Variants in GREB1L observed in about 807,000 individuals in gnomAD.
GREB1L encodes GREB1-like protein.
In GREB1L, 17 loss-of-function variants were observed where a neutral mutation model predicts 200.8. The observed-to-expected ratio is 0.08, with a 90% CI of 0.06 to 0.13. The LOEUF (loss-of-function observed/expected upper bound fraction) is 0.13. GREB1L is among the 10% of genes least tolerant of loss of function. GREB1L has a pLI of 1.00. For synonymous variants in GREB1L, 789 were observed against 893.0 expected (o/e 0.88, Z 2.08); for missense variants, 1,657 against 2,367.7 (o/e 0.70, Z 6.23).
chr18:21,477,454 C>T (rs751944405), intron 17 of GREB1L, 98 bp downstream of exon 17: 4 of 939,640 alleles, frequency 4.3e-6, no homozygotes, highest in Non-Finnish European at 5.9e-6. Flanking sequence ...AGACCATATT[C>T]ATAAGAATTC....
intron 1 of GREB1L, among the ~76,000 whole-genome samples, chr18:21,312,226 T>C (rs1422973209): frequency 1.3e-5 from 2 of 152,234 alleles, no homozygotes; most frequent in Non-Finnish European, 2.9e-5. Flanking sequence ...AGTTCTACCA[T>C]TGATGGGCAT....
intron 15 of GREB1L, among the ~76,000 whole-genome samples, chr18:21,464,008 G>T (rs1426202929): frequency 6.6e-6 from 1 of 152,186 alleles, no homozygotes. Context: ...AGGAATGATA[G>T]CAATGGATTG....
chr18:21,505,778 C>A, intron 24 of GREB1L, 32 bp from the exon 25 acceptor site: 1 of 1,540,830 alleles, frequency 6.5e-7, no homozygotes, highest in Non-Finnish European at 8.8e-7. Context: ...CATGTTATCT[C>A]ATGGGATGGC....
Position 21,358,585 on chromosome 18 carries a change from G to T in GREB1L, c.-119-7442G>T, listed in dbSNP as rs147310598. ...CCACCTCGGCCTCCCAAAGTGCTGG[G>T]ATTACAGGCATGAGCCACCGCGCCC... On this transcript the variant is annotated intron_variant, in intron 1 of 32. Coordinates refer to ENST00000424526, the MANE Select transcript of GREB1L (RefSeq NM_001142966.3). Among the ~76,000 whole-genome samples the T allele has an allele frequency of 5.7e-3, 871 of 152,314 alleles. 6 individuals are homozygous for T. Among genetic ancestry groups the T allele is most frequent in the African/African-American group, 0.018 (738 of 41,574 alleles).
At chr18:21,302,682 G>A (rs1370847117) in intron 1 of GREB1L, among the ~76,000 whole-genome samples, 2 of 152,144 alleles carry the variant, frequency 1.3e-5, no homozygotes, top group Non-Finnish European at 2.9e-5. Context: ...TTGGAGCTTA[G>A]TGCAGGAGTT....
intron 1 of GREB1L, among the ~76,000 whole-genome samples, chr18:21,344,176 C>T (rs1429155606): frequency 2.0e-5 from 3 of 152,106 alleles, no homozygotes; most frequent in Non-Finnish European, 2.9e-5. Context: ...CCAAGGCGGG[C>T]GGATCACGAG....
intron 1 of GREB1L, among the ~76,000 whole-genome samples, chr18:21,250,847 TTTTC>T (rs1185749406): frequency 6.6e-6 from 1 of 152,208 alleles, no homozygotes; most frequent in African/African-American, 2.4e-5. Context: ...TTTTCTCATG[TTTTC>T]TTTCTTTTCC....
intron 7 of GREB1L, among the ~76,000 whole-genome samples, chr18:21,434,029 G>T (rs1489303271): frequency 2.6e-5 from 4 of 151,874 alleles, no homozygotes; most frequent in Non-Finnish European, 5.9e-5. Context: ...TGGCATTGCA[G>T]TAAATTAATT....
rs2037111712 is a variant in GREB1L, at chr18:21,508,600, C to T, written c.4735+9C>T. 7 of 1,550,414 alleles carry T rather than the reference C, an allele frequency of 4.5e-6. No individual in the cohort carries two copies. Among genetic ancestry groups the T allele is most frequent in the East Asian group, 2.4e-5 (1 of 40,892 alleles). On this transcript the variant is annotated intron_variant, in intron 27 of 32. Coordinates refer to ENST00000424526, the MANE Select transcript of GREB1L (RefSeq NM_001142966.3). ...CAATAATGCAGGCGTGGGTAAGGGG[C>T]CCCCCTGGGATGGGGAGAAGGGCTT...
At chr18:21,428,672 C>A (rs1407185768) in intron 7 of GREB1L, among the ~76,000 whole-genome samples, 2 of 145,576 alleles carry the variant, frequency 1.4e-5, no homozygotes, top group African/African-American at 2.6e-5. Context: ...CTGTTGTCGG[C>A]CCGGGCTGGA....
At chr18:21,486,084 G>T (rs1370740244) in intron 18 of GREB1L, among the ~76,000 whole-genome samples, 3 of 152,226 alleles carry the variant, frequency 2.0e-5, no homozygotes, top group African/African-American at 7.2e-5. Flanking sequence ...GCTGGGCGCG[G>T]TGGCCCACGC....
chr18:21,462,265 A>G (rs1254338352), intron 15 of GREB1L, among the ~76,000 whole-genome samples: 1 of 152,248 alleles, frequency 6.6e-6, no homozygotes, highest in East Asian at 1.9e-4. Context: ...GTTTAATTCC[A>G]TAGAACTGTG....
At chr18:21,324,016 T>A (rs1448784038) in intron 1 of GREB1L, among the ~76,000 whole-genome samples, 1 of 152,142 alleles carries the variant, frequency 6.6e-6, no homozygotes, top group Non-Finnish European at 1.5e-5. Flanking sequence ...CATTGGAGAT[T>A]CTGAAGGGAG....
rs370120963 is a variant in GREB1L at position 21,423,873 on chromosome 18, C to T, written c.833-15648C>T. On this transcript the variant is annotated intron_variant, in intron 7 of 32. Coordinates refer to ENST00000424526, the MANE Select transcript of GREB1L (RefSeq NM_001142966.3). ...ACTCCATCTCAAAGAAAAAAGAATG[C>T]GAGGCTCGGGAGGCTGGGACATTTA... 4.1e-4 allele frequency among the ~76,000 whole-genome samples: 62 copies of T among 151,966 alleles called. No homozygotes were observed. In the South Asian group the frequency reaches 9.4e-3, roughly 23 times the overall value.
intron 1 of GREB1L, among the ~76,000 whole-genome samples, chr18:21,273,829 G>A (rs1456554305): frequency 1.3e-5 from 2 of 152,158 alleles, no homozygotes; most frequent in Non-Finnish European, 2.9e-5. Context: ...GACAGGACAG[G>A]TGGAGATGTA....
chr18:21,324,930 G>A (rs2039000404), intron 1 of GREB1L, among the ~76,000 whole-genome samples: 1 of 152,242 alleles, frequency 6.6e-6, no homozygotes, highest in Admixed American at 6.5e-5. Flanking sequence ...TGGTCCTGGA[G>A]TCACAGTCCT....
At chr18:21,444,919 C>A (rs1034864244) in intron 11 of GREB1L, among the ~76,000 whole-genome samples, 2 of 152,106 alleles carry the variant, frequency 1.3e-5, no homozygotes, top group Non-Finnish European at 2.9e-5. Context: ...ATCGTGCTTT[C>A]CATCATTGAG....
At chr18:21,290,837 A>G (rs2144581106) in intron 1 of GREB1L, among the ~76,000 whole-genome samples, 1 of 151,968 alleles carries the variant, frequency 6.6e-6, no homozygotes, top group South Asian at 2.1e-4. Context: ...AAAAAAAAAA[A>G]AAAAAAAAGA....
chr18:21,489,618 A>C (rs995085540), intron 18 of GREB1L, among the ~76,000 whole-genome samples: 3 of 152,180 alleles, frequency 2.0e-5, no homozygotes, highest in Non-Finnish European at 4.4e-5. Context: ...AGCGTGTCTC[A>C]GAATTTAACG....
Sources: allele counts gnomAD v4.1 joint callset (sites outside exome capture counted in the v4.1 genomes callset), GRCh38; gene constraint gnomAD v4.1.1; transcripts MANE v1.5; gene names NCBI Gene and HGNC (gene_info 2026-07-23, HGNC 2026-07-21).